STIM1: variants seen among roughly 807,000 people sequenced by gnomAD.
STIM1 encodes the protein stromal interaction molecule 1.
Under a neutral mutation model 74.7 loss-of-function variants are expected in STIM1, and 25 were observed. The ratio of observed to expected loss-of-function variants is 0.33; its 90% CI spans 0.24 to 0.47. STIM1 has a LOEUF of 0.47. Ranked by LOEUF, STIM1 falls within the 20% of genes least tolerant of loss-of-function variation. The pLI, the probability that STIM1 is intolerant of heterozygous loss-of-function variation, is 1.00. For synonymous variants in STIM1, 328 were observed against 348.8 expected (o/e 0.94, Z 0.66); for missense variants, 728 against 920.8 (o/e 0.79, Z 2.71).
intron 2 of STIM1, among the ~76,000 whole-genome samples, chr11:3,990,622 G>A (rs1415222790): frequency 2.0e-5 from 3 of 152,208 alleles, no homozygotes; most frequent in African/African-American, 7.2e-5. Flanking sequence ...GTTATTGTCT[G>A]ACTTTTTGAT....
chr11:3,987,804 GACACAC>G (rs55772228), intron 2 of STIM1, among the ~76,000 whole-genome samples: 1,550 of 145,268 alleles, frequency 0.011, 15 homozygotes, highest in African/African-American at 0.027. Flanking sequence ...TGTCCTTAAG[GACACAC>G]ACACACACAC....
intron 1 of STIM1, among the ~76,000 whole-genome samples, chr11:3,876,403 A>G (rs1453295810): frequency 6.6e-6 from 1 of 152,026 alleles, no homozygotes; most frequent in Non-Finnish European, 1.5e-5. Context: ...AAAGGACTAC[A>G]TTCATTTCTT....
rs191481162 is a variant in STIM1 at position 4,005,796 on chromosome 11, C to T, written c.271-18077C>T. 2.6e-3 allele frequency among the ~76,000 whole-genome samples: 394 copies of T among 152,048 alleles called. 6 individuals are homozygous for T. The highest frequency in any genetic ancestry group is 1.8e-3 in the African/African-American group (73 of 41,464). On this transcript the variant is annotated intron_variant, in intron 2 of 12. Coordinates refer to ENST00000526596, the MANE Select transcript of STIM1 (RefSeq NM_001382567.1). Reference sequence around the variant, plus strand: ...ATAGACTGACAGAAAAGAGACTAGACGTACAAAGATAAGTGAGAAATGACT... The same window carrying T: ...ATAGACTGACAGAAAAGAGACTAGATGTACAAAGATAAGTGAGAAATGACT...
At chr11:3,981,367 AT>A (rs2093503601) in intron 2 of STIM1, among the ~76,000 whole-genome samples, 1 of 152,148 alleles carries the variant, frequency 6.6e-6, no homozygotes, top group African/African-American at 2.4e-5. Context: ...GTCCTACCAG[AT>A]TTTGAGTTCC....
chr11:4,019,950 G>A (rs182697216), intron 2 of STIM1, among the ~76,000 whole-genome samples: 1 of 152,016 alleles, frequency 6.6e-6, no homozygotes, highest in African/African-American at 2.4e-5. Context: ...CCATCTCCCT[G>A]TCTACCCTTC....
At position 4,082,169 on chromosome 11, in the gene STIM1, C is replaced by G. The variant is rs188804715; in HGVS notation, c.970-15C>G. The G allele has an allele frequency of 1.7e-5, 27 of 1,614,036 alleles. No homozygotes were observed. In the African/African-American group the frequency reaches 2.9e-4, roughly 18 times the overall value. ...TAGTAGCAGTAAATGAACTCACATC[C>G]TTTTGGCTGCCTAGGTTCGGGAGGC... On this transcript the variant is annotated splice_polypyrimidine_tract_variant and intron_variant, in intron 7 of 12. Coordinates refer to ENST00000526596, the MANE Select transcript of STIM1 (RefSeq NM_001382567.1).
chr11:3,873,136 C>G (rs752552832), intron 1 of STIM1, among the ~76,000 whole-genome samples: 9 of 152,002 alleles, frequency 5.9e-5, no homozygotes, highest in Admixed American at 3.9e-4. Flanking sequence ...AAAAACTTGG[C>G]CGGGTGCGGT....
chr11:3,905,392 G>A (rs1281439067), intron 1 of STIM1, among the ~76,000 whole-genome samples: 1 of 151,624 alleles, frequency 6.6e-6, no homozygotes, highest in African/African-American at 2.4e-5. Context: ...TTTAAAGGTG[G>A]AGGGGTGGAG....
rs562942796 is a variant in STIM1 at position 3,955,627 on chromosome 11, CTA to C, written c.140-11919_140-11918del. Among the ~76,000 whole-genome samples, 18 of 151,986 alleles carry C rather than the reference CTA, an allele frequency of 1.2e-4. No homozygotes were observed. The East Asian group carries it at 3.3e-3, about 28-fold the overall frequency. On this transcript the variant is annotated intron_variant, in intron 1 of 12. Transcript: ENST00000526596. ...TGTAAAAATATATATTTTAAATTGT[CTA>C]TATATTTACTTATGTACTTTACTGT...
At chr11:3,913,965 G>A (rs1046414538) in intron 1 of STIM1, among the ~76,000 whole-genome samples, 2 of 151,518 alleles carry the variant, frequency 1.3e-5, no homozygotes, top group African/African-American at 4.9e-5. Context: ...ATTTTTTTTG[G>A]TGGTAAAATA....
At chr11:4,086,368 A>T in intron 11 of STIM1, 109 bp from the exon 12 acceptor site, 1 of 1,300,654 alleles carries the variant, frequency 7.7e-7, no homozygotes, top group Non-Finnish European at 1.1e-6. Flanking sequence ...CCAGATTGGC[A>T]TTAGAGGCCC....
intron 5 of STIM1, among the ~76,000 whole-genome samples, chr11:4,065,650 A>G (rs2094360831): frequency 6.6e-6 from 1 of 152,126 alleles, no homozygotes; most frequent in African/African-American, 2.4e-5. Context: ...TCTCCAGACT[A>G]CAGAAGTGAG....
chr11:4,015,255 AT>A (rs1336922017), intron 2 of STIM1, among the ~76,000 whole-genome samples: 1 of 152,166 alleles, frequency 6.6e-6, no homozygotes, highest in African/African-American at 2.4e-5. Context: ...TGGTGACAAA[AT>A]TTCTCAGCAT....
At chr11:3,873,418 C>CAAAAA (rs1159126517) in intron 1 of STIM1, among the ~76,000 whole-genome samples, 1 of 57,134 alleles carries the variant, frequency 1.8e-5, no homozygotes, top group African/African-American at 6.2e-5. Context: ...AGCTCCATTT[C>CAAAAA]AAAAAAAAAA....
chr11:3,996,815 A>T (rs2093667183), intron 2 of STIM1, among the ~76,000 whole-genome samples: 1 of 152,218 alleles, frequency 6.6e-6, no homozygotes, highest in African/African-American at 2.4e-5. Context: ...CATGCTGTCA[A>T]ACTAGAAGTC....
chr11:4,086,769 C>T (rs1467406997), intron 12 of STIM1: 2 of 1,536,988 alleles, frequency 1.3e-6, no homozygotes, highest in African/African-American at 2.7e-5. Context: ...ATTACCACCA[C>T]AGCACTTCCT....
At chr11:4,049,359 CTG>C (rs2094219723) in intron 3 of STIM1, among the ~76,000 whole-genome samples, 1 of 145,866 alleles carries the variant, frequency 6.9e-6, no homozygotes, top group Admixed American at 7.0e-5. Context: ...GGCTCTCACT[CTG>C]TTGCCCAAGC....
rs773397282 is a variant in STIM1, at chr11:4,083,441, A to G, written c.1417A>G (p.Met473Val). The change falls in exon 10 of 13, where the codon ATG (methionine) becomes GTG (valine). Residue 473 changes from methionine (M) to valine (V), a missense_variant. Met to Val is a conservative substitution (Grantham distance 21). Around this residue, in one of 5 missense-constraint regions of STIM1, gnomAD observed 352 missense variants for 370.1 expected, o/e 0.95. Transcript: ENST00000526596. ...ACGCCCCAACCCTGCTCACTTCATCATGACTGACGACGTGGATGACATGGA... is the reference window on the plus strand; with the variant it reads ...ACGCCCCAACCCTGCTCACTTCATCGTGACTGACGACGTGGATGACATGGA... Reference protein sequence around the residue: ...STRPNPAHFIMTDDVDDMDEE... With the variant: ...STRPNPAHFIVTDDVDDMDEE... The G allele has an allele frequency of 2.5e-6, 4 of 1,614,214 alleles. No individual in the cohort carries two copies. Among genetic ancestry groups the G allele is most frequent in the Middle Eastern group, 1.6e-4 (1 of 6,062 alleles).
At chr11:4,090,516 C>A (rs1454145825) in intron 12 of STIM1, among the ~76,000 whole-genome samples, 1 of 152,204 alleles carries the variant, frequency 6.6e-6, no homozygotes, top group Non-Finnish European at 1.5e-5. Flanking sequence ...GAGGCAGCAT[C>A]CTGGCCTTTT....
Sources: allele counts gnomAD v4.1 joint callset (sites outside exome capture counted in the v4.1 genomes callset), GRCh38; gene constraint gnomAD v4.1.1; regional missense constraint gnomAD v4.1.1; transcripts MANE v1.5; gene names NCBI Gene and HGNC (gene_info 2026-07-23, HGNC 2026-07-21).